SH3GL2: variants seen among roughly 807,000 people sequenced by gnomAD.
The protein encoded by SH3GL2 is SH3 domain containing GRB2 like 2, endophilin A1.
SH3GL2 carries 24 observed loss-of-function variants against 46.0 expected under a neutral mutation model. The ratio of observed to expected loss-of-function variants is 0.52; its 90% CI spans 0.38 to 0.73. The LOEUF (loss-of-function observed/expected upper bound fraction) is 0.73. Ranked by LOEUF, SH3GL2 falls within the 30% of genes least tolerant of loss-of-function variation. The pLI is 0.00. For missense variants in SH3GL2, 413 were observed against 424.2 expected (o/e 0.97, Z 0.23); for synonymous variants, 196 against 147.1 (o/e 1.33, Z -2.40).
At chr9:17,691,474 C>T (rs3808709) in intron 1 of SH3GL2, among the ~76,000 whole-genome samples, 41,703 of 151,902 alleles carry the variant, frequency 0.27, 6,817 homozygotes, top group East Asian at 0.52. Flanking sequence ...ATTTTTTGGG[C>T]GGCCTACAAA....
chr9:17,622,359 AACC>A (rs1819163714), intron 1 of SH3GL2, among the ~76,000 whole-genome samples: 1 of 152,152 alleles, frequency 6.6e-6, no homozygotes, highest in Admixed American at 6.5e-5. Context: ...TTTAGTCAGA[AACC>A]TGCCAGGGGC....
At chr9:17,760,984 G>T (rs1554647489) in intron 2 of SH3GL2, among the ~76,000 whole-genome samples, 2 of 152,160 alleles carry the variant, frequency 1.3e-5, no homozygotes, top group African/African-American at 4.8e-5. Context: ...CTTTGCTCAA[G>T]ATTTTATATT....
chr9:17,737,207 TG>T (rs1304164477), intron 1 of SH3GL2, among the ~76,000 whole-genome samples: 5 of 150,148 alleles, frequency 3.3e-5, no homozygotes, highest in Non-Finnish European at 7.4e-5. Context: ...TGTCAGGGGG[TG>T]GGGGGCTAGG....
At chr9:17,735,795 A>G (rs1822317630) in intron 1 of SH3GL2, 1 of 954,810 alleles carries the variant, frequency 1.0e-6, no homozygotes, top group Non-Finnish European at 1.2e-6. Context: ...ATAGGAAAGA[A>G]GGGCTTAAGT....
intron 1 of SH3GL2, among the ~76,000 whole-genome samples, chr9:17,712,756 A>G (rs72715429): frequency 0.22 from 32,793 of 151,482 alleles, 4,475 homozygotes; most frequent in East Asian, 0.4. Context: ...TTGTCCATCT[A>G]TGTCCTTCAC....
chr9:17,580,002 A>C (rs1818247478), intron 1 of SH3GL2, among the ~76,000 whole-genome samples: 1 of 152,166 alleles, frequency 6.6e-6, no homozygotes, highest in Non-Finnish European at 1.5e-5. Flanking sequence ...GTTTTTAATA[A>C]ATCTTTGGCA....
chr9:17,640,820 C>T (rs2134642894), intron 1 of SH3GL2, among the ~76,000 whole-genome samples: 1 of 152,288 alleles, frequency 6.6e-6, no homozygotes, highest in African/African-American at 2.4e-5. Context: ...ATATTCAGGT[C>T]AGCTTTAACA....
chr9:17,688,041 A>C (rs1820968568), intron 1 of SH3GL2, among the ~76,000 whole-genome samples: 1 of 152,062 alleles, frequency 6.6e-6, no homozygotes, highest in Admixed American at 6.6e-5. Flanking sequence ...TCTAGTATAC[A>C]AGTTAGCCTT....
At chr9:17,749,996 G>A (rs1822799844) in intron 2 of SH3GL2, among the ~76,000 whole-genome samples, 1 of 152,136 alleles carries the variant, frequency 6.6e-6, no homozygotes, top group Non-Finnish European at 1.5e-5. Flanking sequence ...TAAATTGAGA[G>A]ATTTAGGTTT....
chr9:17,609,368 C>G (rs559700258), intron 1 of SH3GL2, among the ~76,000 whole-genome samples: 66 of 151,944 alleles, frequency 4.3e-4, no homozygotes, highest in Non-Finnish European at 6.8e-4. Context: ...CCATTGAGCA[C>G]TTTTTGGGTC....
chr9:17,701,508 G>T (rs1806822827), intron 1 of SH3GL2, among the ~76,000 whole-genome samples: 1 of 151,978 alleles, frequency 6.6e-6, no homozygotes, highest in Non-Finnish European at 1.5e-5. Flanking sequence ...AGAAATTGGG[G>T]AACAGGTAGT....
At chr9:17,603,608 C>A (rs1343279005) in intron 1 of SH3GL2, among the ~76,000 whole-genome samples, 1 of 152,028 alleles carries the variant, frequency 6.6e-6, no homozygotes, top group African/African-American at 2.4e-5. Flanking sequence ...CTCCTGTAAT[C>A]CCAGCACTTT....
At chr9:17,755,557 C>G (rs562184732) in intron 2 of SH3GL2, among the ~76,000 whole-genome samples, 1 of 152,280 alleles carries the variant, frequency 6.6e-6, no homozygotes, top group East Asian at 1.9e-4. Flanking sequence ...CTATCTTGGC[C>G]TCCCAAAGCA....
intron 1 of SH3GL2, among the ~76,000 whole-genome samples, chr9:17,692,925 T>C (rs1370871271): frequency 6.6e-6 from 1 of 151,920 alleles, no homozygotes; most frequent in East Asian, 1.9e-4. Context: ...GATAAACCCA[T>C]CAGATCTCAT....
At chr9:17,745,224 C>T (rs953283252) in intron 1 of SH3GL2, among the ~76,000 whole-genome samples, 7 of 152,270 alleles carry the variant, frequency 4.6e-5, no homozygotes, top group African/African-American at 1.7e-4. Context: ...AATAACCTTT[C>T]ACTTTGAATC....
intron 1 of SH3GL2, among the ~76,000 whole-genome samples, chr9:17,699,484 C>T (rs980729670): frequency 5.9e-5 from 9 of 152,162 alleles, no homozygotes; most frequent in African/African-American, 2.2e-4. Flanking sequence ...AATCCCCACA[C>T]GTGTGTACAG....
At position 17,791,119 on chromosome 9, in the gene SH3GL2, C is replaced by T. The variant is rs559019397; in HGVS notation, c.625-112C>T. On this transcript the variant is annotated intron_variant, in intron 6 of 8. Coordinates refer to ENST00000380607, the MANE Select transcript of SH3GL2 (RefSeq NM_003026.5). ...GCTTATCACACAGTCATCAGCACCA[C>T]CAACCAGGGGCTGTGTGTTGAGGGC... 303 of 727,640 alleles carry T rather than the reference C, an allele frequency of 4.2e-4. 2 individuals carry two copies. Among genetic ancestry groups the T allele is most frequent in the South Asian group, 2.1e-3 (130 of 62,662 alleles). The allele number at this position is 727,640 out of a possible 1,614,324, so 45.1% of individuals were successfully genotyped here. A position where few individuals can be genotyped will look rare whatever the true frequency, so the allele number is the denominator to read the frequency against.
At chr9:17,590,466 A>T (rs1818460564) in intron 1 of SH3GL2, 1 of 152,226 alleles carries the variant, frequency 6.6e-6, no homozygotes. Flanking sequence ...AGTTAAGTTT[A>T]ACAAACAGTA....
Position 17,602,161 on chromosome 9 carries a change from C to T in SH3GL2, c.45+22874C>T, listed in dbSNP as rs115975095. ...GACAATCAGACGTCTTTAAAGTTCT[C>T]TTTTGGACCCAAGGCAGGATGCTCG... On this transcript the variant is annotated intron_variant, in intron 1 of 8. Coordinates refer to ENST00000380607, the MANE Select transcript of SH3GL2 (RefSeq NM_003026.5). 2.8e-3 allele frequency among the ~76,000 whole-genome samples: 430 copies of T among 152,290 alleles called. 2 individuals are homozygous for T. Among genetic ancestry groups the T allele is most frequent in the African/African-American group, 7.0e-3 (289 of 41,560 alleles).
Sources: gnomAD v4.1 joint callset for allele counts (sites outside exome capture counted in the v4.1 genomes callset) on GRCh38, gnomAD v4.1.1 for gene constraint, MANE v1.5 for transcripts, NCBI Gene and HGNC (gene_info 2026-07-23, HGNC 2026-07-21) for gene names.